SLIT3: variants seen among roughly 807,000 people sequenced by gnomAD.
SLIT3 encodes the protein slit homolog 3 protein.
Under a neutral mutation model 184.0 loss-of-function variants are expected in SLIT3, and 68 were observed. The observed-to-expected ratio is 0.37, with a 90% CI of 0.30 to 0.45. The LOEUF (loss-of-function observed/expected upper bound fraction) is 0.45, where lower values mean the gene tolerates loss of function less well. SLIT3 is among the 20% of genes least tolerant of loss of function. SLIT3 has a pLI of 1.00. For synonymous variants in SLIT3, 831 were observed against 828.6 expected (o/e 1.00, Z -0.05); for missense variants, 1,707 against 2,026.0 (o/e 0.84, Z 3.02).
At chr5:169,266,874 G>C (rs1270969030) in intron 1 of SLIT3, among the ~76,000 whole-genome samples, 1 of 152,034 alleles carries the variant, frequency 6.6e-6, no homozygotes, top group Non-Finnish European at 1.5e-5. Context: ...ATCCCCTAGG[G>C]TCACAATAAT....
chr5:168,789,528 T>A, intron 11 of SLIT3, 32 bp downstream of exon 11: 2 of 1,576,780 alleles, frequency 1.3e-6, no homozygotes, highest in Non-Finnish European at 8.7e-7. Flanking sequence ...CCCCCTCCCC[T>A]CACCTCAGGC....
At chr5:169,289,957 AGGCACACACTAGGGAATATGCTAG>A (rs1269251122) in intron 1 of SLIT3, among the ~76,000 whole-genome samples, 1 of 137,796 alleles carries the variant, frequency 7.3e-6, no homozygotes, top group Non-Finnish European at 1.6e-5. Flanking sequence ...GCATACGCTA[AGGCACACACTAGGGAATATGCTAG>A]GGCACACACT....
chr5:169,224,286 T>C (rs1424820638), intron 3 of SLIT3, among the ~76,000 whole-genome samples: 2 of 152,192 alleles, frequency 1.3e-5, no homozygotes, highest in African/African-American at 4.8e-5. Flanking sequence ...AAAATTACTA[T>C]GATAGGAGAT....
chr5:168,871,733 G>T (rs1697012434), intron 5 of SLIT3, among the ~76,000 whole-genome samples: 1 of 152,068 alleles, frequency 6.6e-6, no homozygotes, highest in African/African-American at 2.4e-5. Flanking sequence ...CTCAGAGATG[G>T]AATAAAAGCA....
intron 11 of SLIT3, 22 bp from the exon 12 acceptor site, chr5:168,786,000 C>T (rs1756140060): frequency 6.4e-7 from 1 of 1,558,594 alleles, no homozygotes; most frequent in Non-Finnish European, 8.9e-7. Flanking sequence ...AAGGAGAAGA[C>T]AGCAATCACT....
chr5:169,182,395 C>A (rs1039492385), intron 4 of SLIT3, among the ~76,000 whole-genome samples: 1 of 152,194 alleles, frequency 6.6e-6, no homozygotes, highest in Non-Finnish European at 1.5e-5. Context: ...AGACCTCAAC[C>A]TCCTGGACTT....
At chr5:168,770,641 C>A (rs1250105540) in intron 14 of SLIT3, among the ~76,000 whole-genome samples, 2 of 143,542 alleles carry the variant, frequency 1.4e-5, no homozygotes, top group Non-Finnish European at 1.5e-5. Context: ...TAGGAATAAT[C>A]TTTCGCTTAG....
chr5:168,666,602 A>T lies in SLIT3; in HGVS notation c.4424T>A (p.Ile1475Asn), dbSNP rs755428225. The change falls in exon 36 of 36, where the codon ATC becomes AAC. Residue 1475 changes from isoleucine to asparagine, a missense_variant. By Grantham distance (149) the Ile-to-Asn change is moderately radical (BLOSUM62 -3). Transcript: ENST00000519560. ...CCCACAGCCCCCACGACATTCCATG[A>T]TGGGCACCTTGGAGGCTGTGGCACA... The part of the protein sequence containing the change: ...ASCATASKVP[I>N]MECRGGCGPQ... 2.5e-6 allele frequency: 4 copies of T among 1,614,206 alleles called. No homozygotes were observed. The highest frequency in any genetic ancestry group is 3.4e-6 in the Non-Finnish European group (4 of 1,180,040).
chr5:169,078,252 A>T (rs1758823604), intron 4 of SLIT3, among the ~76,000 whole-genome samples: 1 of 152,208 alleles, frequency 6.6e-6, no homozygotes, highest in African/African-American at 2.4e-5. Flanking sequence ...AACGCAAACC[A>T]GCCAAAAGAT....
At chr5:168,755,391 T>TTCTTTCTTTCTTTCTCTCTC (rs1380933254) in intron 16 of SLIT3, among the ~76,000 whole-genome samples, 1 of 7,994 alleles carries the variant, frequency 1.3e-4, no homozygotes, top group East Asian at 2.9e-3. Context: ...GTGCCGCCAT[T>TTCTTTCTTTCTTTCTCTCTC]TCTTTCTTTC....
chr5:169,023,936 C>T (rs978092473), intron 4 of SLIT3: 6 of 152,186 alleles, frequency 3.9e-5, no homozygotes, highest in South Asian at 2.1e-4. Context: ...TGGAAACATT[C>T]GCATGCTACA....
intron 1 of SLIT3, among the ~76,000 whole-genome samples, chr5:169,271,068 C>T (rs1766591135): frequency 6.6e-6 from 1 of 152,152 alleles, no homozygotes; most frequent in African/African-American, 2.4e-5. Context: ...AAATGGCACA[C>T]CTGGAGTACA....
intron 4 of SLIT3, among the ~76,000 whole-genome samples, chr5:168,925,541 C>T (rs961206391): frequency 6.6e-6 from 1 of 152,148 alleles, no homozygotes; most frequent in Admixed American, 6.5e-5. Context: ...CAACCACAGC[C>T]CTGGATGCAG....
At chr5:168,952,045 C>T (rs1179816891) in intron 4 of SLIT3, among the ~76,000 whole-genome samples, 1 of 152,134 alleles carries the variant, frequency 6.6e-6, no homozygotes, top group African/African-American at 2.4e-5. Flanking sequence ...TCTAGAGTTT[C>T]CTGGGGAAGT....
At chr5:168,897,709 G>T (rs1760730617) in intron 4 of SLIT3, among the ~76,000 whole-genome samples, 1 of 141,682 alleles carries the variant, frequency 7.1e-6, no homozygotes, top group African/African-American at 2.5e-5. Flanking sequence ...CAGGCTGAGA[G>T]AACAAAAGGG....
At chr5:168,917,604 G>T (rs1293063153) in intron 4 of SLIT3, among the ~76,000 whole-genome samples, 1 of 152,162 alleles carries the variant, frequency 6.6e-6, no homozygotes, top group African/African-American at 2.4e-5. Context: ...TGCTTCTGGG[G>T]TTCCCTGTCA....
chr5:168,879,115 C>T (rs956749983), intron 5 of SLIT3, among the ~76,000 whole-genome samples: 5 of 152,182 alleles, frequency 3.3e-5, no homozygotes, highest in Admixed American at 2.0e-4. Context: ...TTTATTTTCT[C>T]CGTGTAGTAA....
chr5:169,283,693 C>A (rs1410282224), intron 1 of SLIT3, among the ~76,000 whole-genome samples: 1 of 152,152 alleles, frequency 6.6e-6, no homozygotes, highest in Non-Finnish European at 1.5e-5. Flanking sequence ...ATCCCAAAGT[C>A]AAACTCAGCA....
At chr5:169,168,485 T>C (rs1411905453) in intron 4 of SLIT3, among the ~76,000 whole-genome samples, 1 of 152,200 alleles carries the variant, frequency 6.6e-6, no homozygotes, top group African/African-American at 2.4e-5. Context: ...AGCAAATGTT[T>C]ACTGAGACAG....
Sources: allele counts gnomAD v4.1 joint callset (sites outside exome capture counted in the v4.1 genomes callset), GRCh38; gene constraint gnomAD v4.1.1; transcripts MANE v1.5; gene names NCBI Gene and HGNC (gene_info 2026-07-23, HGNC 2026-07-21).